GNB4: variants seen among roughly 807,000 people sequenced by gnomAD.
GNB4 encodes the protein G protein subunit beta 4, also known as guanine nucleotide-binding protein subunit beta-4.
Under a neutral mutation model 45.2 loss-of-function variants are expected in GNB4, and 28 were observed. The observed-to-expected ratio is 0.62, with a 90% confidence interval of 0.46 to 0.85. The LOEUF is 0.85. Ranked by LOEUF, GNB4 falls within the 40% of genes least tolerant of loss-of-function variation. The pLI, the probability that GNB4 is intolerant of heterozygous loss-of-function variation, is 0.00. For missense variants in GNB4, 321 were observed against 425.4 expected (o/e 0.75, Z 2.16); for synonymous variants, 132 against 143.7 (o/e 0.92, Z 0.58).
the GNB4 span, among the ~76,000 whole-genome samples, chr3:179,457,000 A>C: frequency 2.0e-5 from 3 of 152,232 alleles, no homozygotes; most frequent in Admixed American, 6.5e-5. Flanking sequence ...TTCAGACTCT[A>C]CTTAGGAGGT....
chr3:179,468,909 A>C, the GNB4 span, among the ~76,000 whole-genome samples: 2 of 152,148 alleles, frequency 1.3e-5, no homozygotes, highest in Non-Finnish European at 2.9e-5. Flanking sequence ...AAACATTTAC[A>C]ATCTATTCTC....
the GNB4 span, among the ~76,000 whole-genome samples, chr3:179,463,698 T>C: frequency 6.6e-6 from 1 of 152,242 alleles, no homozygotes; most frequent in Non-Finnish European, 1.5e-5. Context: ...AGTGAGGAGC[T>C]GCAGCTGACT....
the GNB4 span, among the ~76,000 whole-genome samples, chr3:179,509,100 A>G: frequency 1.3e-5 from 2 of 151,092 alleles, no homozygotes; most frequent in Admixed American, 6.6e-5. Context: ...TTTAAATATC[A>G]TTTCCCACTC....
Position 179,413,545 on chromosome 3 carries a change from C to T in GNB4, c.566G>A (p.Ser189Asn), listed in dbSNP as rs766466679. 1.2e-6 allele frequency: 2 copies of T among 1,614,164 alleles called. No homozygotes were observed. Among genetic ancestry groups the T allele is most frequent in the Non-Finnish European group, 8.5e-7 (1 of 1,180,018 alleles). The change falls in exon 8 of 10, where the codon AGT becomes AAT. Residue 189 changes from serine (S) to asparagine (N), a missense_variant. Physicochemically the swap from Ser to Asn is conservative, Grantham distance 46 (BLOSUM62 1). Coordinates refer to ENST00000232564, the MANE Select transcript of GNB4 (RefSeq NM_021629.4). ...TFTGHSGDVM[S>N]LSLSPDMRTF... ...CCTCATGTCAGGACTCAAAGAAAGA[C>T]TCATCACATCTCCAGAATGCCCAGT...
the GNB4 span, among the ~76,000 whole-genome samples, chr3:179,459,424 T>C: frequency 6.6e-6 from 1 of 152,228 alleles, no homozygotes; most frequent in Non-Finnish European, 1.5e-5. Context: ...GCCTCACGCC[T>C]GTAATCCCAG....
chr3:179,431,557 C>CAAAA lies in GNB4; in HGVS notation c.-42-5319_-42-5316dup, dbSNP rs71181291. ...CTGGGTGAAGAGTGAGACTCTGTCT[C>CAAAA]AAAAAAAAAAAAAAAAGACTAAATC... On this transcript the variant is annotated intron_variant, in intron 1 of 9. Coordinates refer to ENST00000232564, the MANE Select transcript of GNB4 (RefSeq NM_021629.4). 1.7e-3 allele frequency among the ~76,000 whole-genome samples: 213 copies of CAAAA among 128,484 alleles called. 1 individual carries two copies. The highest frequency in any genetic ancestry group is 6.0e-3 in the East Asian group (26 of 4,344). 84.3% of individuals were successfully genotyped at this position (128,484 alleles called of 152,430 possible). A position where few individuals can be genotyped will look rare whatever the true frequency, so the allele number is the denominator to read the frequency against.
At chr3:179,494,028 T>G in the GNB4 span, among the ~76,000 whole-genome samples, 1 of 152,182 alleles carries the variant, frequency 6.6e-6, no homozygotes, top group Non-Finnish European at 1.5e-5. Flanking sequence ...TTGTTGGACT[T>G]CATGCTACTG....
chr3:179,489,346 A>T, the GNB4 span, among the ~76,000 whole-genome samples: 1 of 152,020 alleles, frequency 6.6e-6, no homozygotes, highest in Non-Finnish European at 1.5e-5. Flanking sequence ...AAGAAATACA[A>T]GTTGCATAAT....
intron 1 of GNB4, among the ~76,000 whole-genome samples, chr3:179,431,582 CA>C (rs1715311857): frequency 6.7e-6 from 1 of 148,278 alleles, no homozygotes; most frequent in Non-Finnish European, 1.5e-5. Context: ...AAGACTAAAT[CA>C]CTTGTCCTAC....
intron 1 of GNB4, chr3:179,450,982 C>T (rs1212242843): frequency 6.6e-6 from 1 of 152,288 alleles, no homozygotes; most frequent in Non-Finnish European, 1.5e-5. Context: ...CGCACGGGCT[C>T]GTGCTCTGAG....
intron 1 of GNB4, among the ~76,000 whole-genome samples, chr3:179,430,075 C>G (rs146464794): frequency 5.2e-3 from 92 of 17,672 alleles, no homozygotes; most frequent in African/African-American, 0.015. Flanking sequence ...GAGAGAGAGA[C>G]AGACAGACAG....
the GNB4 span, among the ~76,000 whole-genome samples, chr3:179,523,864 T>C: frequency 8.1e-4 from 123 of 152,138 alleles, no homozygotes; most frequent in Non-Finnish European, 1.5e-3. Flanking sequence ...AGCCTAGGAA[T>C]AGTCAGGGAA....
the GNB4 span, among the ~76,000 whole-genome samples, chr3:179,489,505 G>A: frequency 6.6e-6 from 1 of 152,070 alleles, no homozygotes; most frequent in Non-Finnish European, 1.5e-5. Flanking sequence ...GCTGGGCATG[G>A]TTGTACATGT....
chr3:179,449,922 A>C (rs746264624), intron 1 of GNB4, among the ~76,000 whole-genome samples: 1 of 152,240 alleles, frequency 6.6e-6, no homozygotes, highest in Non-Finnish European at 1.5e-5. Context: ...GTGCTGACAT[A>C]CTTACATGCC....
In GNB4 at chr3:179,446,667, C is replaced by T. The variant is rs372334024; in HGVS notation, c.-43+4679G>A. ...TTCTTGACCTATTCTACTCACTTGC[C>T]GCTTATTATCATCACTCCACCAGAG... On this transcript the variant is annotated intron_variant, in intron 1 of 9. Coordinates refer to ENST00000232564, the MANE Select transcript of GNB4 (RefSeq NM_021629.4). Among the ~76,000 whole-genome samples the T allele has an allele frequency of 6.6e-5, 10 of 152,118 alleles. 2 individuals carry two copies. Among genetic ancestry groups the T allele is most frequent in the South Asian group, 4.1e-4 (2 of 4,820 alleles).
At chr3:179,497,851 A>G in the GNB4 span, among the ~76,000 whole-genome samples, 2 of 152,228 alleles carry the variant, frequency 1.3e-5, no homozygotes, top group Non-Finnish European at 2.9e-5. Flanking sequence ...ATAAGATATC[A>G]TCTCACACTC....
chr3:179,454,813 C>T (rs1007759034), upstream of GNB4, among the ~76,000 whole-genome samples: 6 of 151,856 alleles, frequency 4.0e-5, no homozygotes, highest in Non-Finnish European at 7.4e-5. Context: ...TCACAACTAC[C>T]GTAACAGATT....
At chr3:179,481,760 A>G in the GNB4 span, among the ~76,000 whole-genome samples, 5 of 152,292 alleles carry the variant, frequency 3.3e-5, no homozygotes, top group South Asian at 4.1e-4. Flanking sequence ...TGTCAAATAT[A>G]TTTTGCTCAA....
In GNB4 at chr3:179,396,725, T is replaced by G. The variant is rs1218030264; in HGVS notation, c.*4488A>C. The G allele has an allele frequency of 1.6e-5, 2 of 122,148 alleles. No homozygotes were observed. Among genetic ancestry groups the G allele is most frequent in the Non-Finnish European group, 3.4e-5 (2 of 59,292 alleles). The allele number at this position is 122,148 out of a possible 1,614,324, so 7.6% of individuals were successfully genotyped here. A position where few individuals can be genotyped will look rare whatever the true frequency, so the allele number is the denominator to read the frequency against. ...ATGCAAACATTTGCTAAATACAAGG[T>G]GTACCATCAATGTGTGATTAATTAA... On this transcript the variant is annotated 3_prime_UTR_variant, in exon 10 of 10. Transcript: ENST00000232564.
Sources: gnomAD v4.1 joint callset for allele counts (sites outside exome capture counted in the v4.1 genomes callset) on GRCh38, gnomAD v4.1.1 for gene constraint, MANE v1.5 for transcripts, NCBI Gene and HGNC (gene_info 2026-07-23, HGNC 2026-07-21) for gene names.